The following FOXK2 variants were observed in gnomAD, a reference collection of about 807,000 sequenced individuals.
FOXK2 encodes forkhead box K2.
A neutral mutation model predicts 53.3 loss-of-function variants in FOXK2; 24 were observed. The observed-to-expected ratio is 0.45, with a 90% CI of 0.33 to 0.63. FOXK2 has a LOEUF of 0.63. Ranked by LOEUF, FOXK2 falls within the 30% of genes least tolerant of loss-of-function variation. The probability of loss-of-function intolerance (pLI) is 0.03; values close to 1 mark genes in which losing one functional copy is unlikely to be tolerated. For synonymous variants in FOXK2, 505 were observed against 407.1 expected (o/e 1.24, Z -2.89); for missense variants, 952 against 910.5 (o/e 1.05, Z -0.59).
intron 1 of FOXK2, among the ~76,000 whole-genome samples, chr17:82,524,652 A>T (rs2044399375): frequency 6.6e-6 from 1 of 152,164 alleles, no homozygotes; most frequent in East Asian, 1.9e-4. Context: ...TGATTTTTGG[A>T]TACACAGGAT....
chr17:82,574,573 G>A (rs761523817), intron 4 of FOXK2, among the ~76,000 whole-genome samples: 1 of 152,054 alleles, frequency 6.6e-6, no homozygotes, highest in Non-Finnish European at 1.5e-5. Flanking sequence ...GCCTGCCTCG[G>A]TCTCCCGAAG....
intron 1 of FOXK2, among the ~76,000 whole-genome samples, chr17:82,521,001 G>A (rs73369896): frequency 0.066 from 9,994 of 152,230 alleles, 388 homozygotes; most frequent in Admixed American, 0.1. Context: ...CAGCCTGATA[G>A]GGAACTGCCT....
chr17:82,552,774 G>A lies in FOXK2; in HGVS notation c.420-10580G>A, dbSNP rs560134390. On this transcript the variant is annotated intron_variant, in intron 1 of 8. Coordinates refer to ENST00000335255, the MANE Select transcript of FOXK2 (RefSeq NM_004514.4). ...TGGCTGTGAGCACTTGGCTGAGGTGGTTGAAGAGCAGCATCCCAAACAGGG... is the reference window on the plus strand; with the variant it reads ...TGGCTGTGAGCACTTGGCTGAGGTGATTGAAGAGCAGCATCCCAAACAGGG... 2.2e-4 allele frequency among the ~76,000 whole-genome samples: 33 copies of A among 152,190 alleles called. No homozygotes were observed. The East Asian group carries it at 6.0e-3, about 28-fold the overall frequency.
intron 1 of FOXK2, among the ~76,000 whole-genome samples, chr17:82,546,187 G>T (rs1474335500): frequency 7.0e-6 from 1 of 142,310 alleles, no homozygotes; most frequent in African/African-American, 2.6e-5. Flanking sequence ...TGCCATCTTG[G>T]CTCACAGCAA....
Position 82,587,177 on chromosome 17 carries a change from C to T in FOXK2, c.1691C>T (p.Pro564Leu). The stretch of plus-strand genomic sequence containing the variant: ...ACGGTGACCATAGTACAACAGGCAC[C>T]TCTAGGTCAACACCAGCTACCAATA... ...VQTVTIVQQA[P>L]LGQHQLPIKT... The change falls in exon 8 of 9, where the codon CCT becomes CTT. Residue 564 changes from proline to leucine, a missense_variant. Physicochemically the swap from Pro to Leu is moderately conservative, Grantham distance 98. Around this residue, in one of 5 missense-constraint regions of FOXK2, gnomAD observed 551 missense variants for 385.1 expected, o/e 1.43. Coordinates refer to ENST00000335255, the MANE Select transcript of FOXK2 (RefSeq NM_004514.4). 6.2e-7 allele frequency: 1 copy of T among 1,613,048 alleles called. No homozygotes were observed. Among genetic ancestry groups the T allele is most frequent in the Non-Finnish European group, 8.5e-7 (1 of 1,179,998 alleles).
chr17:82,597,836 G>A (rs983992021), intron 8 of FOXK2, among the ~76,000 whole-genome samples: 8 of 152,140 alleles, frequency 5.3e-5, no homozygotes, highest in African/African-American at 1.9e-4. Flanking sequence ...TTTTAGTAGA[G>A]ACGGGGTTGC....
intron 8 of FOXK2, among the ~76,000 whole-genome samples, chr17:82,587,973 CTG>C (rs552012986): frequency 2.0e-5 from 3 of 152,216 alleles, no homozygotes; most frequent in Non-Finnish European, 4.4e-5. Flanking sequence ...CCGACTAAAA[CTG>C]TCTCTGTGCC....
At chr17:82,520,881 A>C (rs2044355088) in intron 1 of FOXK2, among the ~76,000 whole-genome samples, 1 of 152,162 alleles carries the variant, frequency 6.6e-6, no homozygotes, top group African/African-American at 2.4e-5. Flanking sequence ...ATGGATTTTC[A>C]ATCTGTGCTC....
At chr17:82,594,775 G>A (rs1321701274) in intron 8 of FOXK2, among the ~76,000 whole-genome samples, 1 of 152,226 alleles carries the variant, frequency 6.6e-6, no homozygotes, top group Non-Finnish European at 1.5e-5. Flanking sequence ...GCTGGGCGCC[G>A]TGGCTCACGC....
rs192343255 is a variant in FOXK2 at position 82,548,200 on chromosome 17, A to G, written c.420-15154A>G. Among the ~76,000 whole-genome samples, 3 of 152,318 alleles carry G rather than the reference A, an allele frequency of 2.0e-5. No individual in the cohort carries two copies. In the East Asian group the frequency reaches 5.8e-4, roughly 29 times the overall value. On this transcript the variant is annotated intron_variant, in intron 1 of 8. Coordinates refer to ENST00000335255, the MANE Select transcript of FOXK2 (RefSeq NM_004514.4). ...GTCAGTGTGCATTTATTTCACAGAA[A>G]AGCTGACCCACTTTTCCAGAGCAGT...
intron 8 of FOXK2, chr17:82,599,293 T>G (rs2045355024): frequency 6.6e-6 from 1 of 151,988 alleles, no homozygotes; most frequent in Non-Finnish European, 1.5e-5. Flanking sequence ...AGAGATGGTG[T>G]TTCACCATGC....
At chr17:82,562,019 G>T (rs935272668) in intron 1 of FOXK2, among the ~76,000 whole-genome samples, 1 of 152,220 alleles carries the variant, frequency 6.6e-6, no homozygotes, top group Admixed American at 6.5e-5. Flanking sequence ...TGCGTTGTTT[G>T]TGGACATACA....
intron 8 of FOXK2, chr17:82,593,715 C>T (rs74891919): frequency 0.055 from 8,411 of 152,634 alleles, 277 homozygotes; most frequent in Middle Eastern, 0.11. Flanking sequence ...TCACGCGTGC[C>T]TCGGTGGGGA....
intron 4 of FOXK2, chr17:82,576,648 G>A (rs1345718628): frequency 7.8e-6 from 9 of 1,151,010 alleles, no homozygotes; most frequent in Admixed American, 1.9e-5. Flanking sequence ...TGGCACAGAA[G>A]ATGATTGACA....
chr17:82,601,221 G>A, intron 8 of FOXK2, 82 bp from the exon 9 acceptor site: 3 of 1,436,510 alleles, frequency 2.1e-6, no homozygotes, highest in Non-Finnish European at 2.9e-6. Context: ...TGACTCGCGA[G>A]GGTTCACGTG....
At chr17:82,530,018 C>T (rs138353079) in intron 1 of FOXK2, among the ~76,000 whole-genome samples, 1 of 152,166 alleles carries the variant, frequency 6.6e-6, no homozygotes, top group Admixed American at 6.5e-5. Flanking sequence ...CTGAATTGTT[C>T]CAGTTTTTTG....
rs1279200723 is a variant in FOXK2 at position 82,522,104 on chromosome 17, C to T, written c.419+1797C>T. ...TCACAACAAAGGAAGTTTGCGTCTA[C>T]TGTGAGGATCTTGAGTTTTTGTTTG... On this transcript the variant is annotated intron_variant, in intron 1 of 8. Coordinates refer to ENST00000335255, the MANE Select transcript of FOXK2 (RefSeq NM_004514.4). Among the ~76,000 whole-genome samples the T allele has an allele frequency of 3.9e-5, 5 of 128,612 alleles. No homozygotes were observed. In the Admixed American group the frequency reaches 4.4e-4, roughly 11 times the overall value. 84.4% of individuals were successfully genotyped at this position (128,612 alleles called of 152,430 possible). A position where few individuals can be genotyped will look rare whatever the true frequency, so the allele number is the denominator to read the frequency against.
chr17:82,565,777 A>G (rs1440126781), intron 2 of FOXK2, among the ~76,000 whole-genome samples: 4 of 152,224 alleles, frequency 2.6e-5, no homozygotes, highest in Non-Finnish European at 5.9e-5. Context: ...AAATAGAATT[A>G]CCATGTGATC....
Position 82,526,920 on chromosome 17 carries a change from C to T in FOXK2, c.419+6613C>T, listed in dbSNP as rs143579958. ...AGACGATGTCTGAAGGAGGACAGCT[C>T]CCAGTGGAAAAGAAAACGAGATTGT... On this transcript the variant is annotated intron_variant, in intron 1 of 8. Coordinates refer to ENST00000335255, the MANE Select transcript of FOXK2 (RefSeq NM_004514.4). Among the ~76,000 whole-genome samples, 13 of 151,914 alleles carry T rather than the reference C, an allele frequency of 8.6e-5. No homozygotes were observed. In the East Asian group the frequency reaches 2.3e-3, roughly 27 times the overall value.
Sources: gnomAD v4.1 joint callset for allele counts (sites outside exome capture counted in the v4.1 genomes callset) on GRCh38, gnomAD v4.1.1 for gene constraint, gnomAD v4.1.1 regional missense constraint, MANE v1.5 for transcripts, NCBI Gene and HGNC (gene_info 2026-07-23, HGNC 2026-07-21) for gene names.